The following PHACTR2 variants were observed in gnomAD, a reference collection of about 807,000 sequenced individuals.
The protein encoded by PHACTR2 is phosphatase and actin regulator 2.
PHACTR2 carries 30 observed loss-of-function variants against 76.0 expected under a neutral mutation model. The observed-to-expected ratio is 0.39, with a 90% CI of 0.30 to 0.54. The LOEUF is 0.54. Ranked by LOEUF, PHACTR2 falls within the 20% of genes least tolerant of loss-of-function variation. PHACTR2 has a pLI of 0.61. For synonymous variants in PHACTR2, 292 were observed against 292.5 expected, an observed-to-expected ratio of 1.00 and a Z score of 0.02; for missense variants, 696 against 781.1, an observed-to-expected ratio of 0.89 and a Z score of 1.30.
chr6:143,690,884 G>A (rs1777629337), intron 1 of PHACTR2, among the ~76,000 whole-genome samples: 1 of 152,148 alleles, frequency 6.6e-6, no homozygotes, highest in African/African-American at 2.4e-5. Flanking sequence ...AATAATTGTG[G>A]TATTCCTGTA....
At position 143,793,093 on chromosome 6, in the gene PHACTR2, G is replaced by C. The variant is rs1479003319; in HGVS notation, c.1845+4183G>C. Among the ~76,000 whole-genome samples, 1 of 152,168 alleles carries C rather than the reference G, an allele frequency of 6.6e-6. No individual in the cohort carries two copies. The highest frequency in any genetic ancestry group is 1.5e-5 in the Non-Finnish European group (1 of 68,030). The stretch of plus-strand genomic sequence containing the variant: ...AACTTCAGAAAGGCAGGTAGGGCCA[G>C]ATAAATGAGTAAAGATCACTGCAGT... On this transcript the variant is annotated intron_variant, in intron 11 of 12. Transcript: ENST00000440869. The surrounding 1 kb of genome is among the most constrained non-coding windows in gnomAD (Gnocchi z 4.4).
Position 143,554,316 on chromosome 6 carries a change from C to T in PHACTR2, c.217+17109C>T, listed in dbSNP as rs1056307114. The T allele has an allele frequency of 8.5e-5, 13 of 152,050 alleles. No individual in the cohort carries two copies. Among genetic ancestry groups the T allele is most frequent in the Admixed American group, 5.2e-4 (8 of 15,260 alleles). 9.4% of individuals were successfully genotyped at this position (152,050 alleles called of 1,614,324 possible). On this transcript the variant is annotated intron_variant, in intron 1 of 11. Coordinates refer to the PHACTR2 transcript ENST00000367584. This position sits in a 1 kb window ranked among gnomAD's most constrained non-coding sequence, Gnocchi z 5.9. ...AACAATTTGCTGTTAAAAAATTATT[C>T]GATGACACTTGTTCAAGCACGGTAA...
At position 143,793,185 on chromosome 6, in the gene PHACTR2, A is replaced by G. The variant is rs1775732530; in HGVS notation, c.1845+4275A>G. Among the ~76,000 whole-genome samples, 1 of 152,210 alleles carries G rather than the reference A, an allele frequency of 6.6e-6. No individual in the cohort carries two copies. The highest frequency in any genetic ancestry group is 1.5e-5 in the Non-Finnish European group (1 of 68,044). On this transcript the variant is annotated intron_variant, in intron 11 of 12. Transcript: ENST00000440869. The surrounding 1 kb of genome is among the most constrained non-coding windows in gnomAD (Gnocchi z 4.4). ...CCTCATGTGGAAACTAAATTGTCCA[A>G]ACCCTAGAAACAGTTCCTTTTGACT...
At position 143,818,609 on chromosome 6, in the gene PHACTR2, TC is replaced by T. The variant is rs566154231; in HGVS notation, c.1923-5063del. Among the ~76,000 whole-genome samples, 1 of 152,174 alleles carries T rather than the reference TC, an allele frequency of 6.6e-6. No homozygotes were observed. Among genetic ancestry groups the T allele is most frequent in the Non-Finnish European group, 1.5e-5 (1 of 68,040 alleles). On this transcript the variant is annotated intron_variant, in intron 12 of 12. Transcript: ENST00000440869. This position sits in a 1 kb window ranked among gnomAD's most constrained non-coding sequence, Gnocchi z 4.9. ...GAAAGAGATTTAATTGACTCACAGTTCCATGTGGCTGGGGAGGTCTCAGGAA... is the reference window on the plus strand; with the variant it reads ...GAAAGAGATTTAATTGACTCACAGTTCATGTGGCTGGGGAGGTCTCAGGAA...
chr6:143,814,897 C>A lies in PHACTR2; in HGVS notation c.1922+7764C>A. On this transcript the variant is annotated intron_variant, in intron 12 of 12. Coordinates refer to ENST00000440869, the MANE Select transcript of PHACTR2 (RefSeq NM_001100164.2). ...GATTACAGGCGTGAGCCACCGCCGC[C>A]GGCCCATATAAGTATTTTTTAAAGC... 1.3e-5 allele frequency among the ~76,000 whole-genome samples: 2 copies of A among 152,132 alleles called. 1 individual carries two copies. The highest frequency in any genetic ancestry group is 1.3e-4 in the Admixed American group (2 of 15,272).
chr6:143,752,643 G>A (rs1186110991), intron 3 of PHACTR2, among the ~76,000 whole-genome samples: 1 of 152,106 alleles, frequency 6.6e-6, no homozygotes. Context: ...TTATTAAAAT[G>A]TCATGTCTGT....
rs1226620043 is a variant in PHACTR2, at chr6:143,783,342, A to G, written c.1707+62A>G. The G allele has an allele frequency of 5.5e-6, 5 of 908,482 alleles. No individual in the cohort carries two copies. The highest frequency in any genetic ancestry group is 8.9e-6 in the Non-Finnish European group (5 of 558,952). The allele number at this position is 908,482 out of a possible 1,614,324, so 56.3% of individuals were successfully genotyped here. A position where few individuals can be genotyped will look rare whatever the true frequency, so the allele number is the denominator to read the frequency against. The stretch of plus-strand genomic sequence containing the variant: ...TTGAGATATACTTTTAAAAAAAAAT[A>G]CTAATCCTCTCTGTATGTGTAAATC... On this transcript the variant is annotated intron_variant, in intron 10 of 12. Coordinates refer to ENST00000440869, the MANE Select transcript of PHACTR2 (RefSeq NM_001100164.2). The surrounding 1 kb of genome is among the most constrained non-coding windows in gnomAD (Gnocchi z 5.2).
intron 1 of PHACTR2, among the ~76,000 whole-genome samples, chr6:143,657,450 A>G (rs1776869110): frequency 6.6e-6 from 1 of 151,932 alleles, no homozygotes; most frequent in African/African-American, 2.4e-5. Context: ...CAATCCTAGA[A>G]CTTCATCAGT....
At chr6:143,716,480 G>A (rs551907557) in intron 2 of PHACTR2, among the ~76,000 whole-genome samples, 3 of 152,052 alleles carry the variant, frequency 2.0e-5, no homozygotes, top group Non-Finnish European at 4.4e-5. Context: ...CACACGCCAC[G>A]ATGCCCAGTT....
chr6:143,720,977 A>G (rs1417312703), intron 2 of PHACTR2, among the ~76,000 whole-genome samples: 3 of 152,208 alleles, frequency 2.0e-5, no homozygotes, highest in Non-Finnish European at 4.4e-5. Context: ...ACTTCATTCT[A>G]TACAATTTTA....
rs1039703181 is a variant in PHACTR2 at position 143,599,916 on chromosome 6, C to G, written c.217+62709C>G. On this transcript the variant is annotated intron_variant, in intron 1 of 11. Transcript: ENST00000367584. The surrounding 1 kb of genome is among the most constrained non-coding windows in gnomAD (Gnocchi z 4.6). ...TGGGAGTGGTGGAAACTTTGGCAAA[C>G]TCAGAGCAGATGCCTTGTCTAAAGC... 1.3e-5 allele frequency among the ~76,000 whole-genome samples: 2 copies of G among 152,198 alleles called. No individual in the cohort carries two copies. Among genetic ancestry groups the G allele is most frequent in the African/African-American group, 2.4e-5 (1 of 41,440 alleles).
rs1026005738 is a variant in PHACTR2 at position 143,767,780 on chromosome 6, A to G, written c.1232+1982A>G. On this transcript the variant is annotated intron_variant, in intron 6 of 12. Transcript: ENST00000440869. This position sits in a 1 kb window ranked among gnomAD's most constrained non-coding sequence, Gnocchi z 4.4. The stretch of plus-strand genomic sequence containing the variant: ...AGGGCAGAGCCTTCATGACTTAAAC[A>G]CCTCCCACTAGGCCCTACCTCTCAA... Among the ~76,000 whole-genome samples the G allele has an allele frequency of 7.9e-5, 12 of 151,842 alleles. No homozygotes were observed. Among genetic ancestry groups the G allele is most frequent in the African/African-American group, 2.9e-4 (12 of 41,330 alleles).
rs1490375534 is a variant in PHACTR2 at position 143,795,792 on chromosome 6, T to A, written c.1845+6882T>A. ...AGTAAAATAAAGTCAATTATATCTA[T>A]CTTGAGAATTAGGTAGAATATCTCT... On this transcript the variant is annotated intron_variant, in intron 11 of 12. Coordinates refer to ENST00000440869, the MANE Select transcript of PHACTR2 (RefSeq NM_001100164.2). This position sits in a 1 kb window ranked among gnomAD's most constrained non-coding sequence, Gnocchi z 4.8. Among the ~76,000 whole-genome samples the A allele has an allele frequency of 6.6e-6, 1 of 152,234 alleles. No individual in the cohort carries two copies. Among genetic ancestry groups the A allele is most frequent in the African/African-American group, 2.4e-5 (1 of 41,458 alleles).
rs1012386459 is a variant in PHACTR2, at chr6:143,589,104, G to T, written c.217+51897G>T. Among the ~76,000 whole-genome samples the T allele has an allele frequency of 6.6e-6, 1 of 152,192 alleles. No individual in the cohort carries two copies. Among genetic ancestry groups the T allele is most frequent in the Admixed American group, 6.5e-5 (1 of 15,274 alleles). ...AATTTATTTTCTCACAGCTCTGGAG[G>T]CTGGAAGTCCAAGATCAAGGTGTTA... On this transcript the variant is annotated intron_variant, in intron 1 of 11. Coordinates refer to the PHACTR2 transcript ENST00000367584. The surrounding 1 kb of genome is among the most constrained non-coding windows in gnomAD (Gnocchi z 4.4).
intron 12 of PHACTR2, among the ~76,000 whole-genome samples, chr6:143,812,868 T>C (rs1296731541): frequency 6.6e-6 from 1 of 152,218 alleles, no homozygotes; most frequent in African/African-American, 2.4e-5. Context: ...TCCTTTTCCA[T>C]AGTAAATGGA....
rs913567554 is a variant in PHACTR2, at chr6:143,764,070, T to C, written c.695-1191T>C. ...TCTTTTTGTTTTGAAACTGTTTTGA[T>C]TGAGGGTGCCCTATCCGGAAGTAGG... is the stretch of plus-strand genomic sequence containing the variant. On this transcript the variant is annotated intron_variant, in intron 5 of 12. Coordinates refer to ENST00000440869, the MANE Select transcript of PHACTR2 (RefSeq NM_001100164.2). This position sits in a 1 kb window ranked among gnomAD's most constrained non-coding sequence, Gnocchi z 4.7. 1.3e-5 allele frequency among the ~76,000 whole-genome samples: 2 copies of C among 152,218 alleles called. No homozygotes were observed. Among genetic ancestry groups the C allele is most frequent in the African/African-American group, 2.4e-5 (1 of 41,446 alleles).
intron 6 of PHACTR2, among the ~76,000 whole-genome samples, chr6:143,771,631 TC>T (rs767088501): frequency 6.6e-6 from 1 of 151,802 alleles, no homozygotes; most frequent in Non-Finnish European, 1.5e-5. Context: ...GGAGACAAGG[TC>T]CCCTATGTTG....
intron 2 of PHACTR2, among the ~76,000 whole-genome samples, chr6:143,729,315 T>C (rs948533153): frequency 6.6e-6 from 1 of 152,154 alleles, no homozygotes; most frequent in African/African-American, 2.4e-5. Flanking sequence ...CTTATAACAG[T>C]ACCTTTTGCA....
Position 143,777,440 on chromosome 6 carries a change from A to G in PHACTR2, c.1645+57A>G. ...GTGTAATCGCTAACAAGCTGCCTCTACAGATGATCGATTTATCAGTAAGAA... is the reference window on the plus strand; with the variant it reads ...GTGTAATCGCTAACAAGCTGCCTCTGCAGATGATCGATTTATCAGTAAGAA... On this transcript the variant is annotated intron_variant, in intron 9 of 12. Transcript: ENST00000440869. This position sits in a 1 kb window ranked among gnomAD's most constrained non-coding sequence, Gnocchi z 4.6. 1 of 864,206 alleles carries G rather than the reference A, an allele frequency of 1.2e-6. No homozygotes were observed. 53.5% of individuals were successfully genotyped at this position (864,206 alleles called of 1,614,324 possible).
Sources: gnomAD v4.1 joint callset for allele counts (sites outside exome capture counted in the v4.1 genomes callset) on GRCh38, gnomAD v4.1.1 for gene constraint, Gnocchi (gnomAD v3.1) non-coding constraint, MANE v1.5 for transcripts, NCBI Gene and HGNC (gene_info 2026-07-23, HGNC 2026-07-21) for gene names.